The following TBC1D22A variants were observed in gnomAD, a reference collection of about 807,000 sequenced individuals.
TBC1D22A encodes putative GTPase activator.
TBC1D22A carries 38 observed loss-of-function variants against 60.2 expected under a neutral mutation model. That is an observed-to-expected ratio of 0.63 (90% CI 0.49 to 0.83). The LOEUF (loss-of-function observed/expected upper bound fraction) is 0.83, where lower values mean the gene tolerates loss of function less well. TBC1D22A is among the 40% of genes least tolerant of loss of function. TBC1D22A has a pLI of 0.00. For missense variants in TBC1D22A, 628 were observed against 701.0 expected (o/e 0.90, Z 1.18); for synonymous variants, 302 against 281.7 (o/e 1.07, Z -0.72).
At chr22:46,946,798 G>A (rs990467551) in intron 8 of TBC1D22A, among the ~76,000 whole-genome samples, 7 of 152,180 alleles carry the variant, frequency 4.6e-5, no homozygotes, top group African/African-American at 1.2e-4. Flanking sequence ...TCAGACCAGC[G>A]TGCTTGACTG....
Position 47,079,828 on chromosome 22 carries a change from AAGAT to A in TBC1D22A, c.1330-31675_1330-31672del, listed in dbSNP as rs1348736921. Among the ~76,000 whole-genome samples, 22 of 152,372 alleles carry A rather than the reference AAGAT, an allele frequency of 1.4e-4. No homozygotes were observed. In the East Asian group the frequency reaches 2.3e-3, roughly 16 times the overall value. On this transcript the variant is annotated intron_variant, in intron 11 of 12. Coordinates refer to ENST00000337137, the MANE Select transcript of TBC1D22A (RefSeq NM_014346.5). ...TAAATGGATTAAATACTTCAATTAA[AAGAT>A]AGATTGTAAGAGTGAATAGACAAGC...
At chr22:46,902,688 C>T (rs911090893) in intron 7 of TBC1D22A, among the ~76,000 whole-genome samples, 2 of 152,242 alleles carry the variant, frequency 1.3e-5, no homozygotes, top group Admixed American at 6.5e-5. Context: ...CAAGTGGGCA[C>T]GTTGTTTTCA....
intron 12 of TBC1D22A, among the ~76,000 whole-genome samples, chr22:47,119,699 G>T (rs2066202710): frequency 6.6e-6 from 1 of 152,124 alleles, no homozygotes; most frequent in African/African-American, 2.4e-5. Flanking sequence ...GTTTCACTAT[G>T]TTGGCCAGGC....
chr22:47,026,044 T>C (rs1379962241), intron 10 of TBC1D22A, among the ~76,000 whole-genome samples: 1 of 152,252 alleles, frequency 6.6e-6, no homozygotes, highest in African/African-American at 2.4e-5. Context: ...ATCCCGATGA[T>C]GTAGGGTTTA....
intron 4 of TBC1D22A, among the ~76,000 whole-genome samples, chr22:46,839,042 C>T (rs1237164328): frequency 6.6e-6 from 1 of 152,026 alleles, no homozygotes; most frequent in East Asian, 1.9e-4. Context: ...GCATTCAAAT[C>T]AAAAAGGAAA....
In TBC1D22A at chr22:46,874,562, C is replaced by CTTTTTTTTTT. The variant is rs747481407; in HGVS notation, c.638-4070_638-4061dup. Among the ~76,000 whole-genome samples, 13 of 40,784 alleles carry CTTTTTTTTTT rather than the reference C, an allele frequency of 3.2e-4. 1 individual carries two copies. Among genetic ancestry groups the CTTTTTTTTTT allele is most frequent in the African/African-American group, 1.0e-3 (10 of 9,562 alleles). The allele number at this position is 40,784 out of a possible 152,430, so 26.8% of individuals were successfully genotyped here. On this transcript the variant is annotated intron_variant, in intron 4 of 12. Coordinates refer to ENST00000337137, the MANE Select transcript of TBC1D22A (RefSeq NM_014346.5). ...TATGTTTGTTTGGCTACAGGTATGT[C>CTTTTTTTTTT]TTTTTTTTTTTTTTTTTTTTTTTTT...
chr22:46,904,074 A>G (rs1451276314), intron 7 of TBC1D22A, among the ~76,000 whole-genome samples: 1 of 149,092 alleles, frequency 6.7e-6, no homozygotes, highest in East Asian at 1.9e-4. Flanking sequence ...GTGTATGTAT[A>G]CATATATACA....
intron 12 of TBC1D22A, among the ~76,000 whole-genome samples, chr22:47,149,587 A>G (rs2067423711): frequency 6.6e-6 from 1 of 152,208 alleles, no homozygotes; most frequent in Non-Finnish European, 1.5e-5. Flanking sequence ...CTAGTGGGGA[A>G]GGGACACGAC....
chr22:47,119,661 T>A (rs1349514375), intron 12 of TBC1D22A, among the ~76,000 whole-genome samples: 1 of 152,046 alleles, frequency 6.6e-6, no homozygotes, highest in Non-Finnish European at 1.5e-5. Flanking sequence ...CACGCCCGGC[T>A]AATTTTTGTA....
intron 4 of TBC1D22A, among the ~76,000 whole-genome samples, chr22:46,862,301 G>A (rs1159622753): frequency 2.6e-5 from 4 of 152,220 alleles, no homozygotes; most frequent in Admixed American, 6.5e-5. Context: ...GTCCTCTGTA[G>A]ATCTCGGGTA....
At chr22:46,769,623 C>T (rs973658764) in intron 1 of TBC1D22A, among the ~76,000 whole-genome samples, 2 of 151,834 alleles carry the variant, frequency 1.3e-5, no homozygotes, top group African/African-American at 2.4e-5. Flanking sequence ...GAGTGGGGAG[C>T]GCTTGACTGG....
intron 7 of TBC1D22A, among the ~76,000 whole-genome samples, chr22:46,896,511 C>T (rs2068684824): frequency 6.6e-6 from 1 of 152,116 alleles, no homozygotes; most frequent in Non-Finnish European, 1.5e-5. Context: ...CAGTTGATGG[C>T]CATGTGTGAT....
At chr22:46,858,959 A>G (rs2087722278) in intron 4 of TBC1D22A, among the ~76,000 whole-genome samples, 1 of 149,404 alleles carries the variant, frequency 6.7e-6, no homozygotes, top group South Asian at 2.1e-4. Flanking sequence ...GCAGACCAGA[A>G]TCCTTTTCGA....
At chr22:47,033,860 G>A (rs1053694937) in intron 10 of TBC1D22A, among the ~76,000 whole-genome samples, 2 of 152,120 alleles carry the variant, frequency 1.3e-5, no homozygotes, top group Non-Finnish European at 2.9e-5. Context: ...AGGCCGAGGA[G>A]GGAGTGGGGG....
chr22:46,953,763 G>T (rs2073040841), intron 8 of TBC1D22A, among the ~76,000 whole-genome samples: 2 of 152,204 alleles, frequency 1.3e-5, no homozygotes. Flanking sequence ...GGATTTGATA[G>T]AATTCTGTCA....
intron 4 of TBC1D22A, among the ~76,000 whole-genome samples, chr22:46,870,958 A>G (rs2067268629): frequency 6.6e-6 from 1 of 152,248 alleles, no homozygotes; most frequent in Non-Finnish European, 1.5e-5. Flanking sequence ...AAAAACATTC[A>G]AACCATAACA....
chr22:47,172,020 G>A (rs1293322946), intron 12 of TBC1D22A, among the ~76,000 whole-genome samples: 2 of 71,348 alleles, frequency 2.8e-5, no homozygotes, highest in Non-Finnish European at 5.4e-5. Flanking sequence ...TGCCTACCCA[G>A]CACTCCCAGT....
intron 10 of TBC1D22A, among the ~76,000 whole-genome samples, chr22:47,029,128 G>C (rs1197357969): frequency 2.6e-5 from 4 of 152,168 alleles, no homozygotes; most frequent in Non-Finnish European, 5.9e-5. Context: ...GCCAAATGTG[G>C]AGAATCATGG....
chr22:46,794,812 G>C (rs1257522831), intron 3 of TBC1D22A, among the ~76,000 whole-genome samples: 2 of 152,186 alleles, frequency 1.3e-5, no homozygotes, highest in African/African-American at 4.8e-5. Context: ...CTGTTGGGAG[G>C]CAGGGGGTGA....
Sources: gnomAD v4.1 joint callset for allele counts (sites outside exome capture counted in the v4.1 genomes callset) on GRCh38, gnomAD v4.1.1 for gene constraint, MANE v1.5 for transcripts, NCBI Gene and HGNC (gene_info 2026-07-23, HGNC 2026-07-21) for gene names.